Variants in CPQ observed in about 807,000 individuals in gnomAD.
The protein encoded by CPQ is Ser-Met dipeptidase.
CPQ carries 37 observed loss-of-function variants against 45.7 expected under a neutral mutation model. The observed-to-expected ratio is 0.81, with a 90% confidence interval of 0.62 to 1.07. CPQ has a LOEUF of 1.07. CPQ is among the 50% of genes least tolerant of loss of function. The probability of loss-of-function intolerance (pLI) is 0.00; values close to 1 mark genes in which losing one functional copy is unlikely to be tolerated. For missense variants in CPQ, 537 were observed against 572.9 expected, an observed-to-expected ratio of 0.94 and a Z score of 0.64; for synonymous variants, 186 against 205.8, an observed-to-expected ratio of 0.90 and a Z score of 0.82.
intron 7 of CPQ, among the ~76,000 whole-genome samples, chr8:97,115,994 TAAC>T (rs996319322): frequency 6.6e-6 from 1 of 151,616 alleles, no homozygotes; most frequent in Non-Finnish European, 1.5e-5. Context: ...GGGAGTAAAA[TAAC>T]AAAGCAAAAT....
At chr8:97,123,236 TAAATAAAATAAAATAA>T (rs1387317772) in intron 7 of CPQ, among the ~76,000 whole-genome samples, 14 of 112,546 alleles carry the variant, frequency 1.2e-4, no homozygotes, top group African/African-American at 4.3e-4. Context: ...TAAAATAAAA[TAAATAAAATAAAATAA>T]AAATAAAATA....
At chr8:96,970,595 G>T (rs1265783879) in intron 5 of CPQ, among the ~76,000 whole-genome samples, 1 of 147,082 alleles carries the variant, frequency 6.8e-6, no homozygotes, top group Admixed American at 6.9e-5. Flanking sequence ...ACGGAGTCTC[G>T]CTCTGTCGCC....
rs112925319 is a variant in CPQ, at chr8:97,014,544, A to T, written c.962-14859A>T. ...AAATGCCTGTAATCTCTGGAGGCAG[A>T]GGCATGAGAATCACTTGAACCCAGG... On this transcript the variant is annotated intron_variant, in intron 5 of 7. Transcript: ENST00000220763. Among the ~76,000 whole-genome samples, 76 of 151,320 alleles carry T rather than the reference A, an allele frequency of 5.0e-4. 1 individual carries two copies. The highest frequency in any genetic ancestry group is 1.8e-3 in the African/African-American group (74 of 41,254).
chr8:96,824,734 A>C (rs752454603), intron 2 of CPQ, among the ~76,000 whole-genome samples: 31 of 151,984 alleles, frequency 2.0e-4, no homozygotes, highest in Non-Finnish European at 3.5e-4. Context: ...TTAATAAATT[A>C]TTACTGTTGT....
intron 7 of CPQ, among the ~76,000 whole-genome samples, chr8:97,114,370 T>C (rs13271333): frequency 0.21 from 32,286 of 152,194 alleles, 3,599 homozygotes; most frequent in South Asian, 0.35. Flanking sequence ...AGCAGCTGTA[T>C]GAACTTGAGC....
At chr8:97,107,746 C>T (rs1811427529) in intron 7 of CPQ, among the ~76,000 whole-genome samples, 1 of 152,048 alleles carries the variant, frequency 6.6e-6, no homozygotes, top group African/African-American at 2.4e-5. Flanking sequence ...CCAAGGGCAG[C>T]TCTCTGAGGT....
At position 96,848,277 on chromosome 8, in the gene CPQ, C is replaced by T. The variant is rs528652745; in HGVS notation, c.641+13097C>T. On this transcript the variant is annotated intron_variant, in intron 3 of 7. Coordinates refer to ENST00000220763, the MANE Select transcript of CPQ (RefSeq NM_016134.4). ...GACCCAATTTTTGTAGGGGTAGGAA[C>T]TTACATAATTTGGGGGCCTCTTTAA... Among the ~76,000 whole-genome samples, 60 of 152,236 alleles carry T rather than the reference C, an allele frequency of 3.9e-4. No individual in the cohort carries two copies. The South Asian group carries it at 0.012, about 31-fold the overall frequency.
rs145271577 is a variant in CPQ at position 96,663,393 on chromosome 8, C to T, written c.-35+17991C>T. Among the ~76,000 whole-genome samples, 105 of 152,348 alleles carry T rather than the reference C, an allele frequency of 6.9e-4. 1 individual carries two copies. The highest frequency in any genetic ancestry group is 1.2e-3 in the Non-Finnish European group (81 of 68,038). On this transcript the variant is annotated intron_variant, in intron 1 of 7. Coordinates refer to ENST00000220763, the MANE Select transcript of CPQ (RefSeq NM_016134.4). The stretch of plus-strand genomic sequence containing the variant: ...AGAAATGTTTGTTTCCTCAGCTGAC[C>T]TGTTGTCAGCCTTGGCCTTCCTGAT...
At chr8:96,794,568 C>T (rs1185409862) in intron 2 of CPQ, among the ~76,000 whole-genome samples, 1 of 152,156 alleles carries the variant, frequency 6.6e-6, no homozygotes, top group African/African-American at 2.4e-5. Flanking sequence ...ACATTCAGCT[C>T]CTCATTATTT....
At chr8:96,915,067 C>T (rs1389411878) in intron 4 of CPQ, among the ~76,000 whole-genome samples, 5 of 152,160 alleles carry the variant, frequency 3.3e-5, no homozygotes, top group Non-Finnish European at 7.3e-5. Flanking sequence ...TTACCTGCCT[C>T]ACATGACTGG....
At chr8:96,847,742 C>T (rs1811715005) in intron 3 of CPQ, among the ~76,000 whole-genome samples, 1 of 151,902 alleles carries the variant, frequency 6.6e-6, no homozygotes, top group Non-Finnish European at 1.5e-5. Context: ...GATCCTTCAT[C>T]CCATACATAA....
chr8:96,875,389 C>G (rs1281218461), intron 3 of CPQ, among the ~76,000 whole-genome samples: 1 of 151,838 alleles, frequency 6.6e-6, no homozygotes, highest in East Asian at 1.9e-4. Context: ...CTCTAAGAAA[C>G]AATTTCCTTT....
At chr8:96,824,661 C>T (rs145129100) in intron 2 of CPQ, among the ~76,000 whole-genome samples, 82 of 152,054 alleles carry the variant, frequency 5.4e-4, no homozygotes, top group African/African-American at 1.9e-3. Flanking sequence ...AATCAAGCTA[C>T]GAGCTCCTAT....
chr8:96,753,132 A>G (rs1810283007), intron 1 of CPQ, among the ~76,000 whole-genome samples: 1 of 152,172 alleles, frequency 6.6e-6, no homozygotes, highest in Admixed American at 6.6e-5. Flanking sequence ...ATACATAACC[A>G]GTTTTACACA....
In CPQ at chr8:96,835,142, A is replaced by G; in HGVS notation, c.603A>G (p.Ala201=). 5 of 1,566,416 alleles carry G rather than the reference A, an allele frequency of 3.2e-6. No homozygotes were observed. The highest frequency in any genetic ancestry group is 2.4e-5 in the East Asian group (1 of 42,064). Reference sequence around the variant, plus strand: ...AAGCTGCCAAGGTGGGGGCTTTGGCATCTCTCATTCGATCCGTGGCCTCCT... The same window carrying G: ...AAGCTGCCAAGGTGGGGGCTTTGGCGTCTCTCATTCGATCCGTGGCCTCCT... ...AVEAAKVGAL[A]SLIRSVASFS... The change falls in exon 3 of 8, where the codon GCA becomes GCG. Residue 201 remains alanine (A), a synonymous_variant. Transcript: ENST00000220763.
intron 7 of CPQ, among the ~76,000 whole-genome samples, chr8:97,129,336 C>T (rs1811899283): frequency 6.6e-6 from 1 of 152,098 alleles, no homozygotes; most frequent in Non-Finnish European, 1.5e-5. Flanking sequence ...GTAAAACGGC[C>T]TACACATCCT....
intron 5 of CPQ, among the ~76,000 whole-genome samples, chr8:96,982,047 T>G (rs574061485): frequency 2.6e-5 from 4 of 152,312 alleles, no homozygotes; most frequent in Non-Finnish European, 5.9e-5. Flanking sequence ...TGGCACATGA[T>G]GTTAAAGAAA....
At chr8:96,981,102 C>T (rs1031006503) in intron 5 of CPQ, among the ~76,000 whole-genome samples, 4 of 152,028 alleles carry the variant, frequency 2.6e-5, no homozygotes, top group Non-Finnish European at 4.4e-5. Flanking sequence ...GCAGAGAAAA[C>T]ACAACCAAAT....
chr8:97,121,196 T>C (rs1309872752), intron 7 of CPQ, among the ~76,000 whole-genome samples: 7 of 152,234 alleles, frequency 4.6e-5, no homozygotes, highest in African/African-American at 1.4e-4. Flanking sequence ...ACATGTGTTC[T>C]ACCTTCAAGA....
Sources: allele counts gnomAD v4.1 joint callset (sites outside exome capture counted in the v4.1 genomes callset), GRCh38; gene constraint gnomAD v4.1.1; transcripts MANE v1.5; gene names NCBI Gene and HGNC (gene_info 2026-07-23, HGNC 2026-07-21).